Variants in NTM observed in about 807,000 individuals in gnomAD.
NTM encodes IgLON family member 2.
A neutral mutation model predicts 42.1 loss-of-function variants in NTM; 13 were observed. The ratio of observed to expected loss-of-function variants is 0.31; its 90% confidence interval spans 0.20 to 0.49. The LOEUF (loss-of-function observed/expected upper bound fraction) is 0.49, where lower values mean the gene tolerates loss of function less well. Ranked by LOEUF, NTM falls within the 20% of genes least tolerant of loss-of-function variation. NTM has a pLI of 0.99. For missense variants in NTM, 373 were observed against 452.8 expected (o/e 0.82, Z 1.60); for synonymous variants, 187 against 179.2 (o/e 1.04, Z -0.35).
chr11:131,868,021 G>A (rs773686062), intron 1 of NTM, among the ~76,000 whole-genome samples: 27 of 152,118 alleles, frequency 1.8e-4, no homozygotes, highest in Non-Finnish European at 3.5e-4. Flanking sequence ...TCTTCACTAC[G>A]AAGCCAGTAT....
At chr11:132,144,407 A>G (rs2069880522) in intron 2 of NTM, among the ~76,000 whole-genome samples, 1 of 152,210 alleles carries the variant, frequency 6.6e-6, no homozygotes, top group Non-Finnish European at 1.5e-5. Context: ...GTTTATTTCC[A>G]TAGAAATCTG....
At chr11:131,601,419 T>G (rs1239376168) in intron 1 of NTM, among the ~76,000 whole-genome samples, 1 of 152,230 alleles carries the variant, frequency 6.6e-6, no homozygotes, top group African/African-American at 2.4e-5. Context: ...ATGACAAAAA[T>G]AGAGCAATTT....
intron 1 of NTM, among the ~76,000 whole-genome samples, chr11:131,510,888 C>T (rs1389215568): frequency 6.6e-6 from 1 of 152,208 alleles, no homozygotes; most frequent in South Asian, 2.1e-4. Flanking sequence ...GTGGGAAGAG[C>T]TCCCTCTGCA....
intron 1 of NTM, among the ~76,000 whole-genome samples, chr11:131,612,353 C>T (rs2061527753): frequency 6.6e-6 from 1 of 152,242 alleles, no homozygotes; most frequent in Non-Finnish European, 1.5e-5. Context: ...AGGCTATGGC[C>T]TGCTTTGTTA....
chr11:132,320,381 G>C (rs2136258220), intron 7 of NTM, among the ~76,000 whole-genome samples: 1 of 152,342 alleles, frequency 6.6e-6, no homozygotes, highest in South Asian at 2.1e-4. Context: ...AAGGGATCAG[G>C]GAGTTCCCTT....
chr11:131,825,315 T>C (rs2041997451), intron 1 of NTM, among the ~76,000 whole-genome samples: 1 of 151,860 alleles, frequency 6.6e-6, no homozygotes, highest in Admixed American at 6.6e-5. Context: ...CACCTGCAAT[T>C]ATTCTGTTTT....
Position 131,841,977 on chromosome 11 carries a change from A to G in NTM, c.83-69587A>G, listed in dbSNP as rs536261508. Reference sequence around the variant, plus strand: ...GAGCCACACTAGAATGGGCGAATTCAAATTTGTTTCCCCACTACTGTCAAA... The same window carrying G: ...GAGCCACACTAGAATGGGCGAATTCGAATTTGTTTCCCCACTACTGTCAAA... On this transcript the variant is annotated intron_variant, in intron 1 of 8. Transcript: ENST00000683400. Among the ~76,000 whole-genome samples, 466 of 152,036 alleles carry G rather than the reference A, an allele frequency of 3.1e-3. 2 individuals are homozygous for G. Among genetic ancestry groups the G allele is most frequent in the Non-Finnish European group, 5.2e-3 (353 of 68,030 alleles).
At chr11:132,199,217 C>T (rs983921888) in intron 3 of NTM, among the ~76,000 whole-genome samples, 9 of 152,150 alleles carry the variant, frequency 5.9e-5, no homozygotes, top group African/African-American at 1.4e-4. Context: ...CTAAGAAAGG[C>T]GTGACACCAC....
chr11:131,869,840 A>G lies in NTM; in HGVS notation c.83-41724A>G, dbSNP rs557977534. Among the ~76,000 whole-genome samples, 3 of 152,290 alleles carry G rather than the reference A, an allele frequency of 2.0e-5. 1 individual carries two copies. In the East Asian group the frequency reaches 5.8e-4, roughly 29 times the overall value. ...CTGGCCCATCCAGCTCTGAACAGTT[A>G]CTGCTCTGTGAGCACGGCTCTCACT... On this transcript the variant is annotated intron_variant, in intron 1 of 8. Coordinates refer to ENST00000683400, the MANE Select transcript of NTM (RefSeq NM_001352005.2).
At chr11:131,391,644 G>A (rs1270740495) in intron 1 of NTM, among the ~76,000 whole-genome samples, 49 of 81,554 alleles carry the variant, frequency 6.0e-4, no homozygotes, top group Admixed American at 1.1e-3. Context: ...TTTTATCTGG[G>A]AAAAAAAAAA....
intron 1 of NTM, among the ~76,000 whole-genome samples, chr11:131,539,836 T>C (rs1289314367): frequency 6.6e-6 from 1 of 152,146 alleles, no homozygotes; most frequent in African/African-American, 2.4e-5. Context: ...ACTAGGAGAA[T>C]GAGAGGCCCT....
intron 1 of NTM, among the ~76,000 whole-genome samples, chr11:131,460,032 A>G (rs1951233071): frequency 6.6e-6 from 1 of 152,230 alleles, no homozygotes; most frequent in Non-Finnish European, 1.5e-5. Context: ...TTTAGTTGCC[A>G]GAAAGTATGA....
At chr11:131,505,793 C>T (rs2047415000) in intron 1 of NTM, among the ~76,000 whole-genome samples, 1 of 152,220 alleles carries the variant, frequency 6.6e-6, no homozygotes, top group African/African-American at 2.4e-5. Flanking sequence ...GAACTATCTT[C>T]TCCTTCCCCA....
At chr11:132,189,641 T>TACACACACACACACACAC (rs35740557) in intron 3 of NTM, among the ~76,000 whole-genome samples, 1 of 149,114 alleles carries the variant, frequency 6.7e-6, no homozygotes, top group South Asian at 2.1e-4. Context: ...TCACGGCAGA[T>TACACACACACACACACAC]ACACACACAC....
chr11:131,897,655 A>T (rs1401306007), intron 1 of NTM, among the ~76,000 whole-genome samples: 1 of 152,230 alleles, frequency 6.6e-6, no homozygotes, highest in African/African-American at 2.4e-5. Context: ...ATAACTTCTG[A>T]AAATAGTCAA....
At chr11:131,906,604 C>T (rs1022787343) in intron 1 of NTM, among the ~76,000 whole-genome samples, 4 of 152,156 alleles carry the variant, frequency 2.6e-5, no homozygotes, top group Non-Finnish European at 4.4e-5. Context: ...CCCCTTTGGG[C>T]ACCTGCCTTT....
intron 2 of NTM, among the ~76,000 whole-genome samples, chr11:132,103,535 T>A (rs2136603378): frequency 6.6e-6 from 1 of 152,350 alleles, no homozygotes; most frequent in South Asian, 2.1e-4. Context: ...TAAGTGAGCT[T>A]CAGGTTATAT....
chr11:131,821,308 G>C (rs111508589), intron 1 of NTM, among the ~76,000 whole-genome samples: 2,527 of 152,272 alleles, frequency 0.017, 75 homozygotes, highest in African/African-American at 0.058. Context: ...TGGCAGGTGA[G>C]ATCCTTAGTC....
At chr11:131,532,647 G>A (rs953309191) in intron 1 of NTM, among the ~76,000 whole-genome samples, 3 of 152,240 alleles carry the variant, frequency 2.0e-5, no homozygotes, top group African/African-American at 7.2e-5. Flanking sequence ...CTGCTAAGCT[G>A]TCTTCCACAG....
Sources: gnomAD v4.1 joint callset for allele counts (sites outside exome capture counted in the v4.1 genomes callset) on GRCh38, gnomAD v4.1.1 for gene constraint, MANE v1.5 for transcripts, NCBI Gene and HGNC (gene_info 2026-07-23, HGNC 2026-07-21) for gene names.